The following ZFP28 variants were observed in gnomAD, a reference collection of about 807,000 sequenced individuals.
ZFP28 encodes ZFP28 zinc finger protein, also known as zinc finger protein 28 homolog.
ZFP28 carries 31 observed loss-of-function variants against 39.5 expected under a neutral mutation model. The observed-to-expected ratio is 0.79, with a 90% confidence interval of 0.59 to 1.06. The LOEUF is 1.06. Ranked by LOEUF, ZFP28 falls within the 50% of genes least tolerant of loss-of-function variation. The probability of loss-of-function intolerance (pLI) is 0.00; values close to 1 mark genes in which losing one functional copy is unlikely to be tolerated. For synonymous variants in ZFP28, 400 were observed against 378.6 expected (o/e 1.06, Z -0.66); for missense variants, 925 against 1,048.4 (o/e 0.88, Z 1.63).
At chr19:56,552,602 CA>C in intron 7 of ZFP28, 1 of 152,092 alleles carries the variant, frequency 6.6e-6, no homozygotes, top group East Asian at 1.9e-4. Flanking sequence ...AATTTTTCCC[CA>C]ATTTTGTGTG....
In ZFP28 at chr19:56,555,511, T is replaced by G; in HGVS notation, c.*119T>G. On this transcript the variant is annotated 3_prime_UTR_variant, in exon 8 of 8. Coordinates refer to ENST00000301318, the MANE Select transcript of ZFP28 (RefSeq NM_020828.2). Reference sequence around the variant, plus strand: ...TTCACATAAGTGTAAATGTAACTTATTCACTCCTCTTGTAAAACTTATAGT... The same window carrying G: ...TTCACATAAGTGTAAATGTAACTTAGTCACTCCTCTTGTAAAACTTATAGT... The G allele has an allele frequency of 7.6e-7, 1 of 1,323,018 alleles. No individual in the cohort carries two copies. The allele number at this position is 1,323,018 out of a possible 1,614,324, so 82.0% of individuals were successfully genotyped here.
At chr19:56,550,843 C>T in intron 7 of ZFP28, 1 of 1,460,126 alleles carries the variant, frequency 6.8e-7, no homozygotes, top group Non-Finnish European at 9.0e-7. Context: ...GGACGTGTAT[C>T]ATCCACTTGC....
At position 56,542,179 on chromosome 19, in the gene ZFP28, G is replaced by T. The variant is rs561641536; in HGVS notation, c.300+2463G>T. Among the ~76,000 whole-genome samples, 8 of 152,062 alleles carry T rather than the reference G, an allele frequency of 5.3e-5. No individual in the cohort carries two copies. In the East Asian group the frequency reaches 7.8e-4, roughly 15 times the overall value. On this transcript the variant is annotated intron_variant, in intron 2 of 7. Transcript: ENST00000301318. ...CACAAATAATCTTTTTTGAGACAAG[G>T]TCTCACTCTGTCACCCAGGCTGGAG... is the stretch of plus-strand genomic sequence containing the variant.
At position 56,555,285 on chromosome 19, in the gene ZFP28, A is replaced by T; in HGVS notation, c.2500A>T (p.Ile834Phe). Residue 834 changes from isoleucine (I) to phenylalanine (F), a missense_variant, in exon 8 of 8, where the codon ATT (isoleucine) becomes TTT (phenylalanine). Physicochemically the swap from Ile to Phe is conservative, Grantham distance 21 (BLOSUM62 0). Around this residue, in one of 2 missense-constraint regions of ZFP28, gnomAD observed 369 missense variants for 505.5 expected, o/e 0.73. Coordinates refer to ENST00000301318, the MANE Select transcript of ZFP28 (RefSeq NM_020828.2). ...TGCTCACTTAGCTCATCATCAGCGA[A>T]TTCATACTGGAGAGTCGTCAACATG... ...QTAHLAHHQR[I>F]HTGESSTCPS... 6.2e-7 allele frequency: 1 copy of T among 1,614,190 alleles called. No homozygotes were observed. The highest frequency in any genetic ancestry group is 8.5e-7 in the Non-Finnish European group (1 of 1,180,036).
chr19:56,555,500 A>C lies in ZFP28; in HGVS notation c.*108A>C. 7.2e-7 allele frequency: 1 copy of C among 1,390,202 alleles called. No individual in the cohort carries two copies. Among genetic ancestry groups the C allele is most frequent in the South Asian group, 1.4e-5 (1 of 70,680 alleles). The allele number at this position is 1,390,202 out of a possible 1,614,324, so 86.1% of individuals were successfully genotyped here. A position where few individuals can be genotyped will look rare whatever the true frequency, so the allele number is the denominator to read the frequency against. On this transcript the variant is annotated 3_prime_UTR_variant, in exon 8 of 8. Transcript: ENST00000301318. ...TTAGTTAGTTCTTCACATAAGTGTA[A>C]ATGTAACTTATTCACTCCTCTTGTA...
chr19:56,547,407 G>A lies in ZFP28; in HGVS notation c.301-101G>A. ...AAGTACTGGGGATTAGGAGTTTAAT[G>A]TAGGAGTTTTGTCAGGGGACACATT... On this transcript the variant is annotated intron_variant, in intron 2 of 7. Transcript: ENST00000301318. The surrounding 1 kb of genome is among the most constrained non-coding windows in gnomAD (Gnocchi z 4.6). 2.6e-6 allele frequency: 4 copies of A among 1,546,054 alleles called. No homozygotes were observed. Among genetic ancestry groups the A allele is most frequent in the Non-Finnish European group, 3.5e-6 (4 of 1,128,568 alleles).
chr19:56,550,923 G>A, intron 7 of ZFP28: 2 of 1,423,182 alleles, frequency 1.4e-6, no homozygotes, highest in South Asian at 3.1e-5. Context: ...CTCTTCTGTG[G>A]TTAAATGGCC....
chr19:56,541,192 C>T (rs2044192331), intron 2 of ZFP28, among the ~76,000 whole-genome samples: 1 of 152,212 alleles, frequency 6.6e-6, no homozygotes, highest in South Asian at 2.1e-4. Context: ...AAACCAGCTC[C>T]TCCCACAGTT....
In ZFP28 at chr19:56,539,506, C is replaced by G. The variant is rs969225727; in HGVS notation, c.209-119C>G. 19 of 857,446 alleles carry G rather than the reference C, an allele frequency of 2.2e-5. No individual in the cohort carries two copies. In the East Asian group the frequency reaches 4.5e-4, roughly 20 times the overall value. The allele number at this position is 857,446 out of a possible 1,614,324, so 53.1% of individuals were successfully genotyped here. A position where few individuals can be genotyped will look rare whatever the true frequency, so the allele number is the denominator to read the frequency against. On this transcript the variant is annotated intron_variant, in intron 1 of 7. Transcript: ENST00000301318. ...AAAAAAACCTATCTCCACGTTGTGG[C>G]AGTCCCTAGGCAGGGTAATGATCTG...
At chr19:56,553,647 C>A in intron 7 of ZFP28, 37 bp from the exon 8 acceptor site, 1 of 1,524,854 alleles carries the variant, frequency 6.6e-7, no homozygotes, top group Non-Finnish European at 8.8e-7. Flanking sequence ...TCCTAGCACA[C>A]GAAAAAGGAA....
At chr19:56,538,807 CGGGGCGG>C (rs1169711186), upstream of ZFP28, 6 of 29,376 alleles carry the variant, frequency 2.0e-4, no homozygotes, top group Non-Finnish European at 3.1e-4. Flanking sequence ...CGGGGCGGGG[CGGGGCGG>C]GGCGGGGCGG....
upstream of ZFP28, chr19:56,538,265 T>A (rs1447383436): frequency 6.6e-6 from 1 of 152,196 alleles, no homozygotes; most frequent in East Asian, 1.9e-4. Context: ...ATCAGAGTGA[T>A]CCTCCGGACT....
chr19:56,540,142 A>G (rs1172952129), intron 2 of ZFP28, among the ~76,000 whole-genome samples: 2 of 152,206 alleles, frequency 1.3e-5, no homozygotes, highest in Admixed American at 1.3e-4. Context: ...TGTCAAGGAA[A>G]CAAGCAAGAT....
In ZFP28 at chr19:56,553,883, A is replaced by T. The variant is rs1171722999; in HGVS notation, c.1098A>T (p.Lys366Asn). ...QFRQEPITHN[K>N]TLSKERERTY... ...GGCAAGAGCCAATTACTCATAACAA[A>T]ACCCTCTCTAAGGAAAGAGAACGTA... is the stretch of plus-strand genomic sequence containing the variant. Residue 366 changes from lysine to asparagine, a missense_variant, in exon 8 of 8, where the codon AAA becomes AAT. By Grantham distance (94) the Lys-to-Asn change is moderately conservative (BLOSUM62 0). Around this residue, in one of 2 missense-constraint regions of ZFP28, gnomAD observed 556 missense variants for 542.9 expected, o/e 1.02. Transcript: ENST00000301318. The T allele has an allele frequency of 1.2e-6, 2 of 1,614,174 alleles. No homozygotes were observed. Among genetic ancestry groups the T allele is most frequent in the Middle Eastern group, 1.6e-4 (1 of 6,062 alleles).
In ZFP28 at chr19:56,541,877, ATT is replaced by A. The variant is rs11297964; in HGVS notation, c.300+2192_300+2193del. Among the ~76,000 whole-genome samples, 461 of 61,264 alleles carry A rather than the reference ATT, an allele frequency of 7.5e-3. 1 individual carries two copies. The highest frequency in any genetic ancestry group is 0.036 in the African/African-American group (386 of 10,738). The allele number at this position is 61,264 out of a possible 152,430, so 40.2% of individuals were successfully genotyped here. ...CCCGAGTAGCCACCACACCTGGCTA[ATT>A]TTTTTTTTTTTTTTTTTTTTTTTTT... On this transcript the variant is annotated intron_variant, in intron 2 of 7. Transcript: ENST00000301318.
At chr19:56,542,483 G>T (rs541603317) in intron 2 of ZFP28, among the ~76,000 whole-genome samples, 11 of 152,196 alleles carry the variant, frequency 7.2e-5, no homozygotes, top group Non-Finnish European at 1.3e-4. Context: ...GCATTTGGTT[G>T]AAAAAATTTG....
intron 4 of ZFP28, 117 bp from the exon 5 acceptor site, chr19:56,548,841 A>G: frequency 3.6e-6 from 4 of 1,102,150 alleles, no homozygotes; most frequent in African/African-American, 1.6e-5. Context: ...ATTTTCTTCC[A>G]TAAAAATAAA....
chr19:56,537,150 C>CA (rs1295467420), upstream of ZFP28, among the ~76,000 whole-genome samples: 13 of 152,392 alleles, frequency 8.5e-5, no homozygotes, highest in East Asian at 2.5e-3. Flanking sequence ...TGATTGCCTT[C>CA]AGCAAACCTT....
chr19:56,554,316 G>A lies in ZFP28; in HGVS notation c.1531G>A (p.Gly511Arg). Residue 511 changes from glycine to arginine, a missense_variant, in exon 8 of 8, where the codon GGG becomes AGG. Gly to Arg is a moderately radical substitution (Grantham distance 125). Around this residue, in one of 2 missense-constraint regions of ZFP28, gnomAD observed 369 missense variants for 505.5 expected, o/e 0.73. Transcript: ENST00000301318. The surrounding 1 kb of genome is among the most constrained non-coding windows in gnomAD (Gnocchi z 6.7). The stretch of plus-strand genomic sequence containing the variant: ...GAAACCCTTTGATTGCATCGATTGT[G>A]GGAAAGCCTTCAGTGACCACATAGG... Reference protein sequence around the residue: ...GEKPFDCIDCGKAFSDHIGLN... With the variant: ...GEKPFDCIDCRKAFSDHIGLN... 3 of 1,614,070 alleles carry A rather than the reference G, an allele frequency of 1.9e-6. No individual in the cohort carries two copies. The highest frequency in any genetic ancestry group is 1.1e-5 in the South Asian group (1 of 91,070).
Sources: allele counts gnomAD v4.1 joint callset (sites outside exome capture counted in the v4.1 genomes callset), GRCh38; gene constraint gnomAD v4.1.1; regional missense constraint gnomAD v4.1.1; non-coding constraint Gnocchi (gnomAD v3.1); transcripts MANE v1.5; gene names NCBI Gene and HGNC (gene_info 2026-07-23, HGNC 2026-07-21).